BIRC6: variants seen among roughly 807,000 people sequenced by gnomAD.
BIRC6 encodes the protein baculoviral IAP repeat containing 6, also known as dual E2 ubiquitin-conjugating enzyme/E3 ubiquitin-protein ligase BIRC6.
BIRC6 carries 98 observed loss-of-function variants against 503.3 expected under a neutral mutation model. That is an observed-to-expected ratio of 0.19 (90% confidence interval 0.17 to 0.23). BIRC6 has a LOEUF of 0.23. Ranked by LOEUF, BIRC6 falls within the 10% of genes least tolerant of loss-of-function variation. The pLI is 1.00. For synonymous variants in BIRC6, 2,240 were observed against 2,078.7 expected (o/e 1.08, Z -2.11); for missense variants, 5,360 against 5,806.0 (o/e 0.92, Z 2.50).
At chr2:32,443,448 T>C (rs773685638) in intron 19 of BIRC6, 43 bp from the exon 20 acceptor site, 2 of 1,388,266 alleles carry the variant, frequency 1.4e-6, no homozygotes, top group South Asian at 2.6e-5. Context: ...AATTTAGACC[T>C]TGAGTAATGT....
chr2:32,515,890 G>T, intron 55 of BIRC6, 120 bp downstream of exon 55: 1 of 913,554 alleles, frequency 1.1e-6, no homozygotes, highest in Non-Finnish European at 1.6e-6. Context: ...CTGAATTTAA[G>T]CTATAAAGTA....
chr2:32,461,343 AGTGT>A lies in BIRC6; in HGVS notation c.4754-1814_4754-1811del, dbSNP rs373274536. On this transcript the variant is annotated intron_variant, in intron 23 of 73. Coordinates refer to ENST00000421745, the MANE Select transcript of BIRC6 (RefSeq NM_016252.4). Reference sequence around the variant, plus strand: ...GAGGCTTGTGCCACCATGCCTGGCTAGTGTGTGTGTGTGTGTGTGTGTGTGTGTG... The same window carrying A: ...GAGGCTTGTGCCACCATGCCTGGCTAGTGTGTGTGTGTGTGTGTGTGTGTG... Among the ~76,000 whole-genome samples the A allele has an allele frequency of 5.9e-3, 778 of 132,078 alleles. 2 individuals are homozygous for A. The highest frequency in any genetic ancestry group is 0.015 in the Middle Eastern group (4 of 272). The allele number at this position is 132,078 out of a possible 152,430, so 86.6% of individuals were successfully genotyped here. A position where few individuals can be genotyped will look rare whatever the true frequency, so the allele number is the denominator to read the frequency against.
At chr2:32,439,019 T>C (rs1221663075) in intron 15 of BIRC6, among the ~76,000 whole-genome samples, 1 of 152,124 alleles carries the variant, frequency 6.6e-6, no homozygotes, top group Non-Finnish European at 1.5e-5. Context: ...CAAACCCAGG[T>C]AGTGACTCCA....
intron 66 of BIRC6, among the ~76,000 whole-genome samples, chr2:32,579,445 T>C (rs543591224): frequency 1.3e-5 from 2 of 152,184 alleles, no homozygotes; most frequent in South Asian, 4.1e-4. Context: ...GCCAGCACTT[T>C]GGGAGGCTTA....
At chr2:32,531,692 T>C (rs933511167) in intron 61 of BIRC6, 141 bp downstream of exon 61, 2 of 753,598 alleles carry the variant, frequency 2.7e-6, no homozygotes, top group Admixed American at 3.0e-5. Context: ...TATAACTCTT[T>C]CAATGGTCAG....
In BIRC6 at chr2:32,490,131, T is replaced by C; in HGVS notation, c.8186T>C (p.Met2729Thr). The change falls in exon 43 of 74, where the codon ATG becomes ACG. Residue 2729 changes from methionine to threonine, a missense_variant. By Grantham distance (81) the Met-to-Thr change is moderately conservative. Around this residue, in one of 16 missense-constraint regions of BIRC6, gnomAD observed 2,299 missense variants for 2,267.2 expected, o/e 1.01. Coordinates refer to ENST00000421745, the MANE Select transcript of BIRC6 (RefSeq NM_016252.4). ...CTTGTGCTTCATAGCCTAACACTCA[T>C]GACAAACATGCAGCTTAATTGTAAG... The part of the protein sequence containing the change: ...WCLVLHSLTL[M>T]TNMQLNSGSS... 1 of 1,607,854 alleles carries C rather than the reference T, an allele frequency of 6.2e-7. No individual in the cohort carries two copies. Among genetic ancestry groups the C allele is most frequent in the Non-Finnish European group, 8.5e-7 (1 of 1,174,282 alleles).
chr2:32,412,382 A>G (rs1297447531), intron 9 of BIRC6, among the ~76,000 whole-genome samples: 1 of 151,902 alleles, frequency 6.6e-6, no homozygotes, highest in Non-Finnish European at 1.5e-5. Context: ...CTGTAATCCC[A>G]GCTACTCAGG....
At chr2:32,362,267 ATCT>A (rs2034218598) in intron 1 of BIRC6, among the ~76,000 whole-genome samples, 1 of 150,054 alleles carries the variant, frequency 6.7e-6, no homozygotes, top group African/African-American at 2.5e-5. Context: ...GATGTTGAGC[ATCT>A]TTTCATATGC....
At chr2:32,595,916 A>C (rs970988134) in intron 68 of BIRC6, among the ~76,000 whole-genome samples, 2 of 152,190 alleles carry the variant, frequency 1.3e-5, no homozygotes, top group Non-Finnish European at 2.9e-5. Flanking sequence ...GTGTCTAATG[A>C]TATTACAGCC....
chr2:32,519,835 G>T (rs1343494463), intron 57 of BIRC6, among the ~76,000 whole-genome samples: 1 of 152,130 alleles, frequency 6.6e-6, no homozygotes, highest in Admixed American at 6.5e-5. Context: ...ACTTTAGATA[G>T]TTGGAGTGTA....
intron 23 of BIRC6, among the ~76,000 whole-genome samples, chr2:32,462,725 G>C (rs982536095): frequency 6.6e-6 from 1 of 152,142 alleles, no homozygotes; most frequent in African/African-American, 2.4e-5. Flanking sequence ...GGAGGCCAAG[G>C]CTAGTGGATC....
chr2:32,547,622 A>G (rs1391944696), intron 63 of BIRC6, among the ~76,000 whole-genome samples: 1 of 152,078 alleles, frequency 6.6e-6, no homozygotes, highest in Non-Finnish European at 1.5e-5. Context: ...CTTTTGTTTT[A>G]AATGGTGCTG....
intron 36 of BIRC6, 55 bp downstream of exon 36, chr2:32,478,873 A>T: frequency 1.3e-6 from 2 of 1,544,678 alleles, no homozygotes; most frequent in Admixed American, 1.8e-5. Flanking sequence ...TCATTGCTCA[A>T]CTAAGAATCT....
Position 32,509,815 on chromosome 2 carries a change from C to G in BIRC6, c.10058C>G (p.Ala3353Gly). The change falls in exon 52 of 74, where the codon GCA becomes GGA. Residue 3353 changes from alanine (A) to glycine (G), a missense_variant. By Grantham distance (60) the Ala-to-Gly change is moderately conservative (BLOSUM62 0). Around this residue, in one of 16 missense-constraint regions of BIRC6, gnomAD observed 878 missense variants for 928.9 expected, o/e 0.95. Coordinates refer to ENST00000421745, the MANE Select transcript of BIRC6 (RefSeq NM_016252.4). ...GAAGGAATGATGGCAAGTGCAGCTG[C>G]ACCTACTGCTAATCTGCTGCAGACT... is the stretch of plus-strand genomic sequence containing the variant. The part of the protein sequence containing the change: ...DLEGMMASAA[A>G]PTANLLQTCA... The G allele has an allele frequency of 6.2e-7, 1 of 1,614,014 alleles. No individual in the cohort carries two copies. The highest frequency in any genetic ancestry group is 1.1e-5 in the South Asian group (1 of 91,084).
intron 9 of BIRC6, among the ~76,000 whole-genome samples, chr2:32,407,531 G>C (rs1316833739): frequency 2.0e-5 from 3 of 150,828 alleles, no homozygotes; most frequent in African/African-American, 7.3e-5. Context: ...TTTTTAAAAA[G>C]TGACCATTAT....
chr2:32,598,527 T>A (rs186405030), intron 69 of BIRC6, among the ~76,000 whole-genome samples: 1 of 152,320 alleles, frequency 6.6e-6, no homozygotes, highest in African/African-American at 2.4e-5. Context: ...TAATATATAA[T>A]CTCTACTTTT....
intron 71 of BIRC6, among the ~76,000 whole-genome samples, chr2:32,607,133 A>C (rs1346663411): frequency 1.3e-5 from 2 of 151,968 alleles, no homozygotes; most frequent in African/African-American, 4.8e-5. Flanking sequence ...TAAACTAAAA[A>C]AACGAAATTT....
chr2:32,578,739 T>C (rs894852695), intron 66 of BIRC6, among the ~76,000 whole-genome samples: 19 of 151,744 alleles, frequency 1.3e-4, no homozygotes, highest in African/African-American at 4.4e-4. Flanking sequence ...GGGGTTGCAG[T>C]GATCACACCA....
At chr2:32,460,173 GAT>G (rs929322680) in intron 23 of BIRC6, among the ~76,000 whole-genome samples, 10 of 116,220 alleles carry the variant, frequency 8.6e-5, no homozygotes, top group East Asian at 2.6e-4. Flanking sequence ...ATCTGATATA[GAT>G]ATATATATCT....
Sources: gnomAD v4.1 joint callset for allele counts (sites outside exome capture counted in the v4.1 genomes callset) on GRCh38, gnomAD v4.1.1 for gene constraint, gnomAD v4.1.1 regional missense constraint, MANE v1.5 for transcripts, NCBI Gene and HGNC (gene_info 2026-07-23, HGNC 2026-07-21) for gene names.